SEL1L3: variants seen among roughly 807,000 people sequenced by gnomAD.
SEL1L3 encodes protein sel-1 homolog 3.
SEL1L3 carries 76 observed loss-of-function variants against 142.8 expected under a neutral mutation model. That is an observed-to-expected ratio of 0.53 (90% CI 0.44 to 0.64). The LOEUF is 0.64. Ranked by LOEUF, SEL1L3 falls within the 30% of genes least tolerant of loss-of-function variation. The pLI, the probability that SEL1L3 is intolerant of heterozygous loss-of-function variation, is 0.00. For synonymous variants in SEL1L3, 504 were observed against 519.6 expected, an observed-to-expected ratio of 0.97 and a Z score of 0.41; for missense variants, 1,262 against 1,381.7, an observed-to-expected ratio of 0.91 and a Z score of 1.37.
At chr4:25,841,218 G>C (rs558510416) in intron 2 of SEL1L3, among the ~76,000 whole-genome samples, 146 of 152,214 alleles carry the variant, frequency 9.6e-4, no homozygotes, top group African/African-American at 3.3e-3. Context: ...ATTTTTAGTA[G>C]AGATGGGCTT....
rs200671712 is a variant in SEL1L3 at position 25,854,286 on chromosome 4, CT to C, written c.163-6423del. Among the ~76,000 whole-genome samples, 421 of 151,332 alleles carry C rather than the reference CT, an allele frequency of 2.8e-3. 6 individuals carry two copies. The highest frequency in any genetic ancestry group is 9.8e-3 in the African/African-American group (404 of 41,244). ...CGAACTGCTTTTCTAAATTATCAAG[CT>C]TTTTTTTTGAGACTGAGTCTCCCTC... On this transcript the variant is annotated intron_variant, in intron 1 of 23. Transcript: ENST00000399878.
At chr4:25,830,219 C>A in intron 5 of SEL1L3, 63 bp from the exon 6 acceptor site, 1 of 1,041,616 alleles carries the variant, frequency 9.6e-7, no homozygotes, top group South Asian at 1.3e-5. Flanking sequence ...CCTATGCAGT[C>A]CTTTGTGTAA....
At chr4:25,849,860 G>A (rs1244568884) in intron 1 of SEL1L3, among the ~76,000 whole-genome samples, 5 of 152,288 alleles carry the variant, frequency 3.3e-5, no homozygotes, top group South Asian at 2.1e-4. Flanking sequence ...CAATACAGGC[G>A]AAACGTGGTC....
intron 9 of SEL1L3, among the ~76,000 whole-genome samples, chr4:25,810,339 C>A (rs527727660): frequency 3.7e-4 from 57 of 152,244 alleles, no homozygotes; most frequent in African/African-American, 1.3e-3. Flanking sequence ...CTCCCTGCCA[C>A]AACCAAGAGC....
chr4:25,761,942 A>T (rs1270733391), intron 20 of SEL1L3, among the ~76,000 whole-genome samples: 3 of 151,516 alleles, frequency 2.0e-5, no homozygotes, highest in Admixed American at 2.0e-4. Flanking sequence ...AAAACCATTT[A>T]TTTTTTTTTA....
chr4:25,777,732 A>G (rs1719729961), intron 16 of SEL1L3: 1 of 440,832 alleles, frequency 2.3e-6, no homozygotes, highest in Admixed American at 2.5e-5. Flanking sequence ...CAAATATACT[A>G]AATAACAATG....
chr4:25,834,649 T>C (rs1408278107), intron 3 of SEL1L3, among the ~76,000 whole-genome samples: 1 of 152,132 alleles, frequency 6.6e-6, no homozygotes. Context: ...GAACATACGC[T>C]CGGTAAAGTG....
the SEL1L3 span, among the ~76,000 whole-genome samples, chr4:25,740,501 G>A: frequency 1.3e-5 from 2 of 151,676 alleles, no homozygotes; most frequent in African/African-American, 4.8e-5. Context: ...CAACCATCGA[G>A]CACATCCGTT....
rs775013501 is a variant in SEL1L3 at position 25,804,512 on chromosome 4, G to C, written c.1776+29C>G. The C allele has an allele frequency of 4.7e-6, 7 of 1,495,738 alleles. 1 individual carries two copies. The South Asian group carries it at 7.0e-5, about 15-fold the overall frequency. 92.7% of individuals were successfully genotyped at this position (1,495,738 alleles called of 1,614,324 possible). A position where few individuals can be genotyped will look rare whatever the true frequency, so the allele number is the denominator to read the frequency against. ...CTTTGCAAATATAATGCAAGTGACT[G>C]ATGTTAATGGAGCAATGAAATACTC... is the stretch of plus-strand genomic sequence containing the variant. On this transcript the variant is annotated intron_variant, in intron 10 of 23. Transcript: ENST00000399878.
chr4:25,718,801 G>A, the SEL1L3 span: 1 of 152,254 alleles, frequency 6.6e-6, no homozygotes, highest in African/African-American at 2.4e-5. Flanking sequence ...TCCATATAGA[G>A]GTATTTTTAC....
intron 20 of SEL1L3, among the ~76,000 whole-genome samples, chr4:25,762,282 T>C (rs1718424767): frequency 6.6e-6 from 1 of 152,216 alleles, no homozygotes; most frequent in African/African-American, 2.4e-5. Flanking sequence ...GACTCAATAA[T>C]ACTATTTCTC....
At chr4:25,849,361 A>G (rs1716740579) in intron 1 of SEL1L3, among the ~76,000 whole-genome samples, 1 of 152,238 alleles carries the variant, frequency 6.6e-6, no homozygotes, top group African/African-American at 2.4e-5. Flanking sequence ...AAAGGGAATG[A>G]AATTCTGATG....
At chr4:25,730,850 G>A in the SEL1L3 span, among the ~76,000 whole-genome samples, 1 of 152,118 alleles carries the variant, frequency 6.6e-6, no homozygotes, top group Non-Finnish European at 1.5e-5. Flanking sequence ...CCAACATGGC[G>A]AAACCCCATC....
At chr4:25,794,937 C>T (rs1245301000) in intron 11 of SEL1L3, among the ~76,000 whole-genome samples, 1 of 151,506 alleles carries the variant, frequency 6.6e-6, no homozygotes, top group Non-Finnish European at 1.5e-5. Context: ...CCATAATCCT[C>T]AGTAAACTAA....
chr4:25,830,182 T>C (rs1715346271), intron 5 of SEL1L3, 26 bp from the exon 6 acceptor site: 30 of 1,486,422 alleles, frequency 2.0e-5, no homozygotes, highest in Non-Finnish European at 2.8e-5. Context: ...TACACAAGAA[T>C]CAGTTATGCC....
intron 23 of SEL1L3, chr4:25,756,008 T>C (rs1359014705): frequency 1.0e-6 from 1 of 985,334 alleles, no homozygotes; most frequent in Admixed American, 6.1e-5. Flanking sequence ...TGATGGGTCC[T>C]TGTTAACCTC....
the SEL1L3 span, among the ~76,000 whole-genome samples, chr4:25,739,303 A>C: frequency 1.2e-3 from 184 of 152,314 alleles, 1 homozygote; most frequent in African/African-American, 4.2e-3. Context: ...TATCAGGTAG[A>C]GAGAGGCCAT....
intron 17 of SEL1L3, among the ~76,000 whole-genome samples, chr4:25,775,591 G>GA: frequency 6.6e-6 from 1 of 152,160 alleles, no homozygotes; most frequent in South Asian, 2.1e-4. Flanking sequence ...AGAACTGATA[G>GA]AAAAAAATAA....
At chr4:25,845,373 A>G (rs1435886771) in intron 2 of SEL1L3, among the ~76,000 whole-genome samples, 1 of 152,118 alleles carries the variant, frequency 6.6e-6, no homozygotes, top group Non-Finnish European at 1.5e-5. Context: ...GTACATGCCC[A>G]TGGTCCCCGC....
Sources: gnomAD v4.1 joint callset for allele counts (sites outside exome capture counted in the v4.1 genomes callset) on GRCh38, gnomAD v4.1.1 for gene constraint, MANE v1.5 for transcripts, NCBI Gene and HGNC (gene_info 2026-07-23, HGNC 2026-07-21) for gene names.